CLIC5: variants seen among roughly 807,000 people sequenced by gnomAD.
The protein encoded by CLIC5 is CLIC family member 5.
A neutral mutation model predicts 24.7 loss-of-function variants in CLIC5; 20 were observed. The ratio of observed to expected loss-of-function variants is 0.81; its 90% CI spans 0.57 to 1.18. The LOEUF is 1.18. Ranked by LOEUF, CLIC5 falls within the 50% of genes most tolerant of loss-of-function variation. CLIC5 has a pLI of 0.00. For synonymous variants in CLIC5, 159 were observed against 135.6 expected (o/e 1.17, Z -1.20); for missense variants, 341 against 326.1 (o/e 1.05, Z -0.35).
intron 1 of CLIC5, among the ~76,000 whole-genome samples, chr6:45,976,664 T>C (rs1376665721): frequency 2.0e-5 from 3 of 152,228 alleles, no homozygotes; most frequent in Admixed American, 1.3e-4. Flanking sequence ...AAATAACCCC[T>C]TCTTAGTACT....
At chr6:45,913,813 C>T in intron 5 of CLIC5, 3 of 1,231,464 alleles carry the variant, frequency 2.4e-6, no homozygotes, top group Non-Finnish European at 2.0e-6. Flanking sequence ...GAAGGTGGGT[C>T]TGTGCACAAA....
intron 1 of CLIC5, among the ~76,000 whole-genome samples, chr6:45,969,796 GTTTT>G (rs397779323): frequency 3.8e-5 from 4 of 105,296 alleles, no homozygotes; most frequent in African/African-American, 7.9e-5. Flanking sequence ...TCACATCAAG[GTTTT>G]TTTTTTTTTT....
chr6:46,006,601 CTACCTCT>C (rs1766592008), intron 1 of CLIC5, among the ~76,000 whole-genome samples: 1 of 152,024 alleles, frequency 6.6e-6, no homozygotes, highest in South Asian at 2.1e-4. Context: ...CATTTATTTC[CTACCTCT>C]TATTCCTTGA....
rs1197090518 is a variant in CLIC5 at position 45,912,683 on chromosome 6, C to T, written c.588+1545G>A. On this transcript the variant is annotated intron_variant, in intron 5 of 5. Transcript: ENST00000339561. ...GTCTCCTGATCTTTGCATTGTATCA[C>T]TCTGACACAGTGTGACTGAGCTGGA... is the stretch of plus-strand genomic sequence containing the variant. 3.9e-6 allele frequency: 6 copies of T among 1,535,100 alleles called. No homozygotes were observed. The South Asian group carries it at 6.0e-5, about 15-fold the overall frequency.
At chr6:45,983,389 G>A (rs551704135) in intron 1 of CLIC5, among the ~76,000 whole-genome samples, 1 of 152,290 alleles carries the variant, frequency 6.6e-6, no homozygotes, top group African/African-American at 2.4e-5. Context: ...GTTGGGTTTG[G>A]GTAAGTGATG....
At chr6:46,056,697 T>C (rs537620396) in intron 1 of CLIC5, among the ~76,000 whole-genome samples, 27 of 152,298 alleles carry the variant, frequency 1.8e-4, no homozygotes, top group Non-Finnish European at 2.4e-4. Context: ...GGGATACCAC[T>C]ATGCACAATG....
the CLIC5 span, among the ~76,000 whole-genome samples, chr6:46,114,816 C>T: frequency 6.6e-6 from 1 of 152,148 alleles, no homozygotes; most frequent in African/African-American, 2.4e-5. Context: ...AGAGGTCCTG[C>T]ATGTGTCTGA....
intron 1 of CLIC5, among the ~76,000 whole-genome samples, chr6:45,974,692 G>A (rs1195275504): frequency 6.6e-6 from 1 of 151,752 alleles, no homozygotes; most frequent in Admixed American, 6.6e-5. Context: ...TTTTCTTTAT[G>A]TGGTTTCAAG....
At chr6:46,062,210 T>C (rs1024732645) in intron 1 of CLIC5, among the ~76,000 whole-genome samples, 5 of 152,240 alleles carry the variant, frequency 3.3e-5, no homozygotes, top group Non-Finnish European at 7.3e-5. Flanking sequence ...ATTGTAAATA[T>C]AAAAGATTAC....
intron 4 of CLIC5, among the ~76,000 whole-genome samples, chr6:45,933,637 G>C (rs547188007): frequency 1.3e-5 from 2 of 152,206 alleles, no homozygotes; most frequent in Non-Finnish European, 2.9e-5. Flanking sequence ...AAGAGAACTA[G>C]GTGCAGCCTT....
chr6:46,115,129 G>A, the CLIC5 span, among the ~76,000 whole-genome samples: 2 of 152,288 alleles, frequency 1.3e-5, no homozygotes, highest in African/African-American at 4.8e-5. Context: ...GAGCTTAGGA[G>A]GATAGTTGGA....
chr6:45,896,593 A>G (rs1762395740), downstream of CLIC5, among the ~76,000 whole-genome samples: 1 of 152,254 alleles, frequency 6.6e-6, no homozygotes, highest in Admixed American at 6.5e-5. Context: ...GCTACTAGAC[A>G]TAAAAACAAA....
At chr6:46,017,212 CTT>C (rs569583703), upstream of CLIC5, among the ~76,000 whole-genome samples, 879 of 152,280 alleles carry the variant, frequency 5.8e-3, 6 homozygotes, top group African/African-American at 0.02. Flanking sequence ...GTGGAATTCT[CTT>C]TGTCTTCTTT....
At chr6:45,941,419 T>C (rs1443122610) in intron 4 of CLIC5, 128 bp downstream of exon 4, 2 of 744,166 alleles carry the variant, frequency 2.7e-6, no homozygotes, top group East Asian at 2.5e-5. Context: ...TGGGGGCAAA[T>C]AATAAGCAGT....
chr6:45,896,129 T>C (rs1762390975), downstream of CLIC5, among the ~76,000 whole-genome samples: 1 of 152,144 alleles, frequency 6.6e-6, no homozygotes, highest in Non-Finnish European at 1.5e-5. Flanking sequence ...TGAATCTAAG[T>C]AGAAGGATAG....
chr6:45,947,846 G>A (rs1764338083), intron 3 of CLIC5, among the ~76,000 whole-genome samples: 1 of 152,230 alleles, frequency 6.6e-6, no homozygotes, highest in Middle Eastern at 3.4e-3. Context: ...TTTAATTAAT[G>A]CACTTATTTA....
At chr6:46,066,295 T>G (rs1290524382) in intron 1 of CLIC5, among the ~76,000 whole-genome samples, 2 of 152,120 alleles carry the variant, frequency 1.3e-5, no homozygotes, top group African/African-American at 4.8e-5. Flanking sequence ...AGCACCTCTA[T>G]TTTTTACTCA....
chr6:46,023,541 G>A (rs955741730), intron 1 of CLIC5, among the ~76,000 whole-genome samples: 1 of 152,140 alleles, frequency 6.6e-6, no homozygotes, highest in African/African-American at 2.4e-5. Context: ...AATGGCTAGG[G>A]TTGGGGATTC....
the CLIC5 span, among the ~76,000 whole-genome samples, chr6:46,090,323 G>T: frequency 6.6e-6 from 1 of 151,826 alleles, no homozygotes; most frequent in Non-Finnish European, 1.5e-5. Flanking sequence ...CCTGCTTTCG[G>T]CTCCGACCCC....
Sources: allele counts gnomAD v4.1 joint callset (sites outside exome capture counted in the v4.1 genomes callset), GRCh38; gene constraint gnomAD v4.1.1; transcripts MANE v1.5; gene names NCBI Gene and HGNC (gene_info 2026-07-23, HGNC 2026-07-21).